The following VPS13B variants were observed in gnomAD, a reference collection of about 807,000 sequenced individuals.
The protein encoded by VPS13B is intermembrane lipid transfer protein VPS13B.
A neutral mutation model predicts 426.4 loss-of-function variants in VPS13B; 285 were observed. The observed-to-expected ratio is 0.67, with a 90% CI of 0.61 to 0.74. The LOEUF is 0.74. Ranked by LOEUF, VPS13B falls within the 30% of genes least tolerant of loss-of-function variation. The probability of loss-of-function intolerance (pLI) is 0.00; values close to 1 mark genes in which losing one functional copy is unlikely to be tolerated. For missense variants in VPS13B, 4,537 were observed against 4,782.6 expected, an observed-to-expected ratio of 0.95 and a Z score of 1.51; for synonymous variants, 1,676 against 1,676.4, an observed-to-expected ratio of 1.00 and a Z score of 0.01.
chr8:99,242,088 C>G lies in VPS13B; in HGVS notation c.2516-32110C>G, dbSNP rs532998602. ...CTCCGCCTCCCGGGTTCACGCTATT[C>G]GCCTGCCTCAGCCTCCCAAGTAGCT... On this transcript the variant is annotated intron_variant, in intron 17 of 61. Coordinates refer to ENST00000357162, the MANE Select transcript of VPS13B (RefSeq NM_152564.5). Among the ~76,000 whole-genome samples the G allele has an allele frequency of 2.4e-3, 359 of 152,214 alleles. 1 individual carries two copies. The highest frequency in any genetic ancestry group is 3.5e-3 in the Non-Finnish European group (239 of 68,004).
intron 2 of VPS13B, among the ~76,000 whole-genome samples, chr8:99,014,284 A>T (rs1258512623): frequency 2.7e-5 from 4 of 150,664 alleles, no homozygotes; most frequent in Non-Finnish European, 3.0e-5. Flanking sequence ...CGCCTGGCTA[A>T]TTTTTGTATT....
At chr8:99,457,323 C>T (rs759374120) in intron 23 of VPS13B, among the ~76,000 whole-genome samples, 10 of 152,272 alleles carry the variant, frequency 6.6e-5, no homozygotes, top group South Asian at 4.1e-4. Context: ...TGAGCCACTG[C>T]GCCCAGCCAG....
chr8:99,119,935 G>T (rs145126611), intron 7 of VPS13B, among the ~76,000 whole-genome samples: 1 of 151,716 alleles, frequency 6.6e-6, no homozygotes, highest in East Asian at 1.9e-4. Flanking sequence ...CACCCAGGCT[G>T]CAGTGCAGTG....
intron 33 of VPS13B, among the ~76,000 whole-genome samples, chr8:99,598,121 A>C (rs913168876): frequency 2.6e-5 from 4 of 152,052 alleles, no homozygotes; most frequent in African/African-American, 9.7e-5. Flanking sequence ...GTTTTGCTTA[A>C]GTCAGTGAGC....
chr8:99,664,336 C>CT (rs1432324626), intron 35 of VPS13B, among the ~76,000 whole-genome samples: 2 of 149,672 alleles, frequency 1.3e-5, no homozygotes, highest in African/African-American at 2.5e-5. Context: ...TTTAATCATA[C>CT]TTTAAGTTTT....
chr8:99,024,032 G>A (rs1385007699), intron 2 of VPS13B, among the ~76,000 whole-genome samples: 3 of 152,144 alleles, frequency 2.0e-5, no homozygotes, highest in African/African-American at 7.2e-5. Context: ...AAGTGTGTAA[G>A]TGTTCTCTTT....
intron 21 of VPS13B, among the ~76,000 whole-genome samples, chr8:99,412,094 A>G (rs772142732): frequency 3.9e-5 from 6 of 152,176 alleles, no homozygotes; most frequent in South Asian, 2.1e-4. Context: ...AAGAAAGTCA[A>G]TGGTAGCTTG....
At chr8:99,521,417 T>A (rs1822374089) in intron 30 of VPS13B, among the ~76,000 whole-genome samples, 2 of 152,328 alleles carry the variant, frequency 1.3e-5, no homozygotes, top group African/African-American at 4.8e-5. Context: ...AATGTAGGAA[T>A]GTGGATGTCA....
chr8:99,068,675 G>A (rs941458904), intron 3 of VPS13B, among the ~76,000 whole-genome samples: 1 of 152,174 alleles, frequency 6.6e-6, no homozygotes, highest in Non-Finnish European at 1.5e-5. Context: ...ATGGCAGAAG[G>A]CGAAGGGAAA....
At chr8:99,356,507 G>T (rs549604157) in intron 19 of VPS13B, among the ~76,000 whole-genome samples, 2 of 152,144 alleles carry the variant, frequency 1.3e-5, no homozygotes, top group African/African-American at 4.8e-5. Flanking sequence ...AATTAGCTGG[G>T]CATGGTGACA....
At chr8:99,659,159 T>A (rs1830130162) in intron 34 of VPS13B, among the ~76,000 whole-genome samples, 2 of 152,150 alleles carry the variant, frequency 1.3e-5, no homozygotes, top group South Asian at 4.1e-4. Flanking sequence ...TAGGTGAAAA[T>A]TTCTATCTTA....
intron 51 of VPS13B, among the ~76,000 whole-genome samples, chr8:99,828,978 T>C (rs992646493): frequency 6.6e-6 from 1 of 152,178 alleles, no homozygotes; most frequent in Admixed American, 6.5e-5. Flanking sequence ...CCACTGTTAG[T>C]CTCATGGGCT....
At chr8:99,308,807 AG>A (rs1563659374) in intron 19 of VPS13B, among the ~76,000 whole-genome samples, 2 of 152,286 alleles carry the variant, frequency 1.3e-5, no homozygotes, top group African/African-American at 4.8e-5. Flanking sequence ...ACAGTGTAAA[AG>A]TGTTCCTATT....
At chr8:99,031,567 A>G (rs549603359) in intron 2 of VPS13B, among the ~76,000 whole-genome samples, 12 of 152,282 alleles carry the variant, frequency 7.9e-5, no homozygotes, top group African/African-American at 2.6e-4. Flanking sequence ...TTTTTCCTGT[A>G]GATTTGACTT....
intron 54 of VPS13B, among the ~76,000 whole-genome samples, chr8:99,841,901 A>G (rs1210477163): frequency 6.6e-6 from 1 of 152,012 alleles, no homozygotes; most frequent in East Asian, 1.9e-4. Flanking sequence ...ACTAACCCCC[A>G]AATGATTCCT....
At chr8:99,621,631 A>G (rs59375661) in intron 33 of VPS13B, among the ~76,000 whole-genome samples, 28,390 of 152,028 alleles carry the variant, frequency 0.19, 3,239 homozygotes, top group East Asian at 0.45. Context: ...TCGCTATAAC[A>G]GAATCTGACT....
At chr8:99,575,858 C>A in intron 32 of VPS13B, 74 bp downstream of exon 32, 1 of 1,483,106 alleles carries the variant, frequency 6.7e-7, no homozygotes, top group Non-Finnish European at 9.3e-7. Context: ...GGGATTGCCA[C>A]AGTTTCAGCC....
At chr8:99,804,714 G>A (rs1332963240) in intron 43 of VPS13B, among the ~76,000 whole-genome samples, 3 of 152,088 alleles carry the variant, frequency 2.0e-5, no homozygotes, top group East Asian at 3.9e-4. Context: ...TAAATGGGCC[G>A]GGTTCAATAG....
chr8:99,828,134 A>T (rs1223612764), intron 51 of VPS13B, among the ~76,000 whole-genome samples: 2 of 151,992 alleles, frequency 1.3e-5, no homozygotes, highest in East Asian at 1.9e-4. Context: ...TATCCTTGTT[A>T]ATTTTCTGTC....
Sources: gnomAD v4.1 joint callset for allele counts (sites outside exome capture counted in the v4.1 genomes callset) on GRCh38, gnomAD v4.1.1 for gene constraint, MANE v1.5 for transcripts, NCBI Gene and HGNC (gene_info 2026-07-23, HGNC 2026-07-21) for gene names.